The following PROSER1 variants were observed in gnomAD, a reference collection of about 807,000 sequenced individuals.
The protein encoded by PROSER1 is proline and serine rich 1, also known as proline and serine-rich protein 1.
Under a neutral mutation model 71.8 loss-of-function variants are expected in PROSER1, and 36 were observed. That is an observed-to-expected ratio of 0.50 (90% confidence interval 0.38 to 0.66). The LOEUF (loss-of-function observed/expected upper bound fraction) is 0.66, where lower values mean the gene tolerates loss of function less well. Among genes scored for constraint, PROSER1 ranks in the 30% least tolerant of loss-of-function variants. PROSER1 has a pLI of 0.00. For synonymous variants in PROSER1, 490 were observed against 452.4 expected, an observed-to-expected ratio of 1.08 and a Z score of -1.06; for missense variants, 1,107 against 1,135.0, an observed-to-expected ratio of 0.98 and a Z score of 0.35.
In PROSER1 at chr13:39,017,493, T is replaced by G; in HGVS notation, c.775+7A>C. Reference sequence around the variant, plus strand: ...TCCGTTATCTCTGGATCAAATTTGCTACTTACTTTGATTCTGTATAGGTTT... The same window carrying G: ...TCCGTTATCTCTGGATCAAATTTGCGACTTACTTTGATTCTGTATAGGTTT... On this transcript the variant is annotated splice_region_variant and intron_variant, in intron 10 of 12. Transcript: ENST00000352251. 6.6e-7 allele frequency: 1 copy of G among 1,525,850 alleles called. No homozygotes were observed. The highest frequency in any genetic ancestry group is 9.0e-7 in the Non-Finnish European group (1 of 1,108,452). The allele number at this position is 1,525,850 out of a possible 1,614,324, so 94.5% of individuals were successfully genotyped here.
chr13:39,013,330 C>A lies in PROSER1; in HGVS notation c.1922G>T (p.Arg641Leu), dbSNP rs370253854. ...GGGCACGGATGTTGAAGTATATGCA[C>A]GGCCCAATGTCCCTGACAAACCTAA... ...GTLGLSGTLG[R>L]AYTSTSVPIS... The change falls in exon 11 of 13, where the codon CGT becomes CTT. Residue 641 changes from arginine to leucine, a missense_variant. Physicochemically the swap from Arg to Leu is moderately radical, Grantham distance 102. Coordinates refer to ENST00000352251, the MANE Select transcript of PROSER1 (RefSeq NM_025138.5). 6.2e-6 allele frequency: 10 copies of A among 1,614,022 alleles called. No individual in the cohort carries two copies. Among genetic ancestry groups the A allele is most frequent in the African/African-American group, 1.3e-5 (1 of 74,900 alleles).
chr13:39,036,541 T>C (rs911693464), intron 1 of PROSER1, among the ~76,000 whole-genome samples: 1 of 152,182 alleles, frequency 6.6e-6, no homozygotes, highest in African/African-American at 2.4e-5. Flanking sequence ...GTGCTTGAGA[T>C]ATTGTTAGGC....
intron 9 of PROSER1, among the ~76,000 whole-genome samples, chr13:39,018,473 G>GACACACACACAC (rs56659534): frequency 1.9e-3 from 227 of 120,228 alleles, no homozygotes; most frequent in African/African-American, 2.4e-3. Context: ...TTTAAAACCC[G>GACACACACACAC]ACACACACAC....
intron 1 of PROSER1, among the ~76,000 whole-genome samples, chr13:39,035,095 C>T (rs1184484809): frequency 6.6e-6 from 1 of 152,144 alleles, no homozygotes; most frequent in African/African-American, 2.4e-5. Flanking sequence ...TCATATTTTT[C>T]ACATATATCA....
At chr13:39,025,998 C>T (rs577723602) in intron 6 of PROSER1, among the ~76,000 whole-genome samples, 1 of 152,260 alleles carries the variant, frequency 6.6e-6, no homozygotes, top group South Asian at 2.1e-4. Context: ...TGTAAGAATA[C>T]TGAGAATTTG....
At chr13:39,017,856 A>C (rs1386790912) in intron 9 of PROSER1, 1 of 236,776 alleles carries the variant, frequency 4.2e-6, no homozygotes, top group Non-Finnish European at 8.0e-6. Flanking sequence ...CATATATACT[A>C]TATTCAAGAA....
chr13:39,036,233 G>T (rs1180057040), intron 1 of PROSER1, among the ~76,000 whole-genome samples: 1 of 152,072 alleles, frequency 6.6e-6, no homozygotes, highest in African/African-American at 2.4e-5. Context: ...GTTCAAAAAA[G>T]AATGTTCAGT....
intron 1 of PROSER1, 23 bp downstream of exon 1, chr13:39,037,175 A>AT: frequency 6.5e-7 from 1 of 1,538,392 alleles, no homozygotes; most frequent in Non-Finnish European, 9.0e-7. Context: ...TCATAAAATA[A>AT]TTCATGGAAT....
rs746633520 is a variant in PROSER1, at chr13:39,023,029, TA to T, written c.643+22del. The stretch of plus-strand genomic sequence containing the variant: ...ATAAACAGCAAAAAAGAAAAACAAG[TA>T]AAAAATAAGGGAACTCCTTACTTGG... On this transcript the variant is annotated intron_variant, in intron 8 of 12. Coordinates refer to ENST00000352251, the MANE Select transcript of PROSER1 (RefSeq NM_025138.5). The T allele has an allele frequency of 5.0e-6, 8 of 1,586,006 alleles. No individual in the cohort carries two copies. In the Middle Eastern group the frequency reaches 5.0e-4, roughly 100 times the overall value.
rs1338117918 is a variant in PROSER1 at position 39,028,337 on chromosome 13, A to G, written c.276-17T>C. The G allele has an allele frequency of 3.4e-6, 5 of 1,477,328 alleles. No individual in the cohort carries two copies. Among genetic ancestry groups the G allele is most frequent in the Non-Finnish European group, 4.7e-6 (5 of 1,059,288 alleles). The allele number at this position is 1,477,328 out of a possible 1,614,324, so 91.5% of individuals were successfully genotyped here. On this transcript the variant is annotated splice_polypyrimidine_tract_variant and intron_variant, in intron 4 of 12. Transcript: ENST00000352251. ...ATAATGTTCCTACCAAGAAAACACA[A>G]TTTAGCTTTTTGTTTAAAAATCTGA...
At position 39,035,357 on chromosome 13, in the gene PROSER1, A is replaced by G. The variant is rs1871047027; in HGVS notation, c.46-1161T>C. 2.0e-5 allele frequency among the ~76,000 whole-genome samples: 3 copies of G among 152,190 alleles called. No individual in the cohort carries two copies. The South Asian group carries it at 6.2e-4, about 32-fold the overall frequency. On this transcript the variant is annotated intron_variant, in intron 1 of 12. Coordinates refer to ENST00000352251, the MANE Select transcript of PROSER1 (RefSeq NM_025138.5). Reference sequence around the variant, plus strand: ...CAGCTGTAACCCCAGGCAGGACAGCATGGTGCTCTGCAAGCATAGTTTGAA... The same window carrying G: ...CAGCTGTAACCCCAGGCAGGACAGCGTGGTGCTCTGCAAGCATAGTTTGAA...
intron 7 of PROSER1, 45 bp from the exon 8 acceptor site, chr13:39,023,175 A>T: frequency 6.9e-7 from 1 of 1,445,880 alleles, no homozygotes; most frequent in Non-Finnish European, 9.7e-7. Flanking sequence ...AAATCAAGTA[A>T]GCTGTCTCCT....
At chr13:39,016,254 T>C (rs906789936) in intron 10 of PROSER1, among the ~76,000 whole-genome samples, 1 of 152,266 alleles carries the variant, frequency 6.6e-6, no homozygotes, top group Non-Finnish European at 1.5e-5. Context: ...TGTCAAGCCC[T>C]GTGCTAAGTT....
chr13:39,021,031 T>C (rs1870264546), intron 9 of PROSER1, among the ~76,000 whole-genome samples: 1 of 152,204 alleles, frequency 6.6e-6, no homozygotes, highest in Admixed American at 6.5e-5. Flanking sequence ...TAGCCTGTGT[T>C]TACATATGTG....
chr13:39,030,568 C>T (rs1169911834), intron 3 of PROSER1, among the ~76,000 whole-genome samples: 2 of 152,112 alleles, frequency 1.3e-5, no homozygotes, highest in African/African-American at 2.4e-5. Context: ...ACTAAAGGAG[C>T]ATACCACCAC....
chr13:39,033,347 T>C (rs1870949551), intron 2 of PROSER1, among the ~76,000 whole-genome samples: 1 of 152,262 alleles, frequency 6.6e-6, no homozygotes, highest in Non-Finnish European at 1.5e-5. Flanking sequence ...GCAGAACTTC[T>C]ATAGGCTTAA....
intron 7 of PROSER1, chr13:39,023,397 T>C (rs1030112803): frequency 1.7e-5 from 5 of 301,058 alleles, no homozygotes; most frequent in African/African-American, 8.5e-5. Context: ...TTAGATCTCA[T>C]TGTAAACAGC....
intron 4 of PROSER1, among the ~76,000 whole-genome samples, chr13:39,028,650 T>G (rs563200185): frequency 6.6e-6 from 1 of 152,288 alleles, no homozygotes; most frequent in Admixed American, 6.5e-5. Context: ...TAAAAATCAT[T>G]TTATGCTAAA....
intron 1 of PROSER1, 95 bp downstream of exon 1, chr13:39,037,103 C>T (rs371324146): frequency 2.1e-6 from 2 of 938,420 alleles, no homozygotes; most frequent in African/African-American, 1.6e-5. Context: ...AATCCTAGGA[C>T]CCTTATTCTG....
Sources: gnomAD v4.1 joint callset for allele counts (sites outside exome capture counted in the v4.1 genomes callset) on GRCh38, gnomAD v4.1.1 for gene constraint, MANE v1.5 for transcripts, NCBI Gene and HGNC (gene_info 2026-07-23, HGNC 2026-07-21) for gene names.